REEP3: variants seen among roughly 807,000 people sequenced by gnomAD.
REEP3 encodes the protein receptor expression-enhancing protein 3.
Under a neutral mutation model 41.3 loss-of-function variants are expected in REEP3, and 20 were observed. The ratio of observed to expected loss-of-function variants is 0.48; its 90% CI spans 0.34 to 0.70. The LOEUF (loss-of-function observed/expected upper bound fraction) is 0.70. REEP3 is among the 30% of genes least tolerant of loss of function. The pLI is 0.01. For missense variants in REEP3, 271 were observed against 308.8 expected (o/e 0.88, Z 0.92); for synonymous variants, 104 against 101.8 (o/e 1.02, Z -0.13).
chr10:63,564,519 A>T (rs540732221), intron 1 of REEP3, among the ~76,000 whole-genome samples: 1 of 152,022 alleles, frequency 6.6e-6, no homozygotes. Flanking sequence ...GGTACTCAGG[A>T]GGCTGAGGCA....
chr10:63,564,181 A>G (rs936088781), intron 1 of REEP3, among the ~76,000 whole-genome samples: 2 of 152,262 alleles, frequency 1.3e-5, no homozygotes, highest in East Asian at 3.8e-4. Context: ...GTATATGGGA[A>G]CTATCTGTAC....
At chr10:63,556,629 G>GTTTT (rs1564477633) in intron 1 of REEP3, among the ~76,000 whole-genome samples, 1 of 13,398 alleles carries the variant, frequency 7.5e-5, no homozygotes, top group African/African-American at 1.8e-4. Context: ...TTTTTTTGTT[G>GTTTT]TTTTGTTTTT....
chr10:63,563,050 A>T, intron 1 of REEP3: 1 of 455,902 alleles, frequency 2.2e-6, no homozygotes, highest in Non-Finnish European at 4.4e-6. Context: ...ATGTGAGGAC[A>T]CAGCTAGAAG....
chr10:63,543,757 C>G (rs538006904), intron 1 of REEP3, among the ~76,000 whole-genome samples: 3 of 152,098 alleles, frequency 2.0e-5, no homozygotes, highest in Non-Finnish European at 4.4e-5. Flanking sequence ...CGTTTTAAAG[C>G]AATACCCAAC....
chr10:63,546,365 T>C (rs1454960589), intron 1 of REEP3, among the ~76,000 whole-genome samples: 1 of 152,186 alleles, frequency 6.6e-6, no homozygotes, highest in East Asian at 1.9e-4. Flanking sequence ...ATTTTAAAGA[T>C]AGAACCCATA....
At chr10:63,548,764 G>T (rs1159313966) in intron 1 of REEP3, among the ~76,000 whole-genome samples, 1 of 151,984 alleles carries the variant, frequency 6.6e-6, no homozygotes, top group East Asian at 1.9e-4. Context: ...ATTTAATTAC[G>T]CTTTCTCAAT....
rs1360176726 is a variant in REEP3, at chr10:63,621,580, C to CA, written c.*712dup. The CA allele has an allele frequency of 2.6e-5, 4 of 152,654 alleles. No homozygotes were observed. The highest frequency in any genetic ancestry group is 9.6e-5 in the African/African-American group (4 of 41,548). The allele number at this position is 152,654 out of a possible 1,614,324, so 9.5% of individuals were successfully genotyped here. A position where few individuals can be genotyped will look rare whatever the true frequency, so the allele number is the denominator to read the frequency against. On this transcript the variant is annotated 3_prime_UTR_variant, in exon 8 of 8. Transcript: ENST00000373758. Reference sequence around the variant, plus strand: ...ATATCATCTCTTTTCCTGTGGGTTTCATTTGTTAAATTCATTGGATTTTAA... The same window carrying CA: ...ATATCATCTCTTTTCCTGTGGGTTTCAATTTGTTAAATTCATTGGATTTTAA...
At chr10:63,566,537 A>G (rs2133375938) in intron 2 of REEP3, 127 bp downstream of exon 2, 2 of 575,998 alleles carry the variant, frequency 3.5e-6, no homozygotes, top group Non-Finnish European at 6.1e-6. Flanking sequence ...AATGTGAAGT[A>G]ACAAAACTAA....
At chr10:63,558,122 T>A (rs1043675574) in intron 1 of REEP3, among the ~76,000 whole-genome samples, 4 of 152,224 alleles carry the variant, frequency 2.6e-5, no homozygotes, top group Non-Finnish European at 5.9e-5. Flanking sequence ...GAATGTAGTA[T>A]GACTTTCCCC....
At chr10:63,620,368 C>G (rs887032718) in intron 7 of REEP3, among the ~76,000 whole-genome samples, 11 of 152,158 alleles carry the variant, frequency 7.2e-5, no homozygotes, top group Non-Finnish European at 1.5e-5. Context: ...AGTTCAAATA[C>G]CCAGTCCCAG....
intron 6 of REEP3, among the ~76,000 whole-genome samples, chr10:63,618,038 C>G (rs1956325351): frequency 6.6e-6 from 1 of 151,338 alleles, no homozygotes; most frequent in Non-Finnish European, 1.5e-5. Flanking sequence ...GTTGGCCAGG[C>G]TGGTCTCGAA....
Position 63,625,118 on chromosome 10 carries a change from A to G in REEP3, c.*4249A>G, listed in dbSNP as rs1189143287. ...GGTTAGAAATATAAATAAAAATTCA[A>G]AAGAACACAATATATGAACGGCATT... On this transcript the variant is annotated 3_prime_UTR_variant, in exon 8 of 8. Coordinates refer to ENST00000373758, the MANE Select transcript of REEP3 (RefSeq NM_001001330.3). The G allele has an allele frequency of 2.0e-5, 3 of 152,196 alleles. No individual in the cohort carries two copies. Among genetic ancestry groups the G allele is most frequent in the Non-Finnish European group, 2.9e-5 (2 of 68,002 alleles). The allele number at this position is 152,196 out of a possible 1,614,324, so 9.4% of individuals were successfully genotyped here.
At chr10:63,590,705 G>A (rs1956053824) in intron 2 of REEP3, among the ~76,000 whole-genome samples, 1 of 152,120 alleles carries the variant, frequency 6.6e-6, no homozygotes, top group African/African-American at 2.4e-5. Flanking sequence ...GATTGACAAG[G>A]GCCAAAGGGA....
At chr10:63,566,295 C>A in intron 1 of REEP3, 43 bp from the exon 2 acceptor site, 1 of 1,123,250 alleles carries the variant, frequency 8.9e-7, no homozygotes, top group Non-Finnish European at 1.3e-6. Flanking sequence ...CTGTTTAAAA[C>A]ATTGTTGTGT....
At position 63,595,680 on chromosome 10, in the gene REEP3, G is replaced by A. The variant is rs528751901; in HGVS notation, c.182+826G>A. On this transcript the variant is annotated intron_variant, in intron 3 of 7. Transcript: ENST00000373758. Reference sequence around the variant, plus strand: ...CAACCTCTACCTCCCGGGTTCAAGCGATTCTCCTGCCTCAGCCTCCCGAGT... The same window carrying A: ...CAACCTCTACCTCCCGGGTTCAAGCAATTCTCCTGCCTCAGCCTCCCGAGT... Among the ~76,000 whole-genome samples the A allele has an allele frequency of 1.3e-4, 20 of 151,958 alleles. No individual in the cohort carries two copies. The East Asian group carries it at 2.5e-3, about 19-fold the overall frequency.
chr10:63,596,775 G>A (rs1484189335), intron 3 of REEP3, among the ~76,000 whole-genome samples: 3 of 152,204 alleles, frequency 2.0e-5, no homozygotes, highest in Non-Finnish European at 4.4e-5. Context: ...CACTTTTGCT[G>A]TTGTTTCTGT....
At chr10:63,576,114 T>G (rs1203873792) in intron 2 of REEP3, among the ~76,000 whole-genome samples, 1 of 152,234 alleles carries the variant, frequency 6.6e-6, no homozygotes, top group Non-Finnish European at 1.5e-5. Context: ...ATGTATAATT[T>G]CCTCAAATGT....
At chr10:63,596,291 G>C (rs763720938) in intron 3 of REEP3, among the ~76,000 whole-genome samples, 1 of 148,208 alleles carries the variant, frequency 6.7e-6, no homozygotes, top group Non-Finnish European at 1.5e-5. Context: ...GGGTCTCTTT[G>C]TTTTTAAGTG....
chr10:63,607,354 T>C (rs535165664), intron 5 of REEP3, among the ~76,000 whole-genome samples: 1 of 152,316 alleles, frequency 6.6e-6, no homozygotes, highest in East Asian at 1.9e-4. Flanking sequence ...TACTTGGGTA[T>C]TGATAATAGT....
Sources: gnomAD v4.1 joint callset for allele counts (sites outside exome capture counted in the v4.1 genomes callset) on GRCh38, gnomAD v4.1.1 for gene constraint, MANE v1.5 for transcripts, NCBI Gene and HGNC (gene_info 2026-07-23, HGNC 2026-07-21) for gene names.